LMBR1: variants seen among roughly 807,000 people sequenced by gnomAD.
LMBR1 encodes the protein limb development membrane protein 1.
In LMBR1, 52 loss-of-function variants were observed where a neutral mutation model predicts 73.9. That is an observed-to-expected ratio of 0.70 (90% CI 0.56 to 0.89). The LOEUF (loss-of-function observed/expected upper bound fraction) is 0.89, where lower values mean the gene tolerates loss of function less well. Ranked by LOEUF, LMBR1 falls within the 40% of genes least tolerant of loss-of-function variation. LMBR1 has a pLI of 0.00. For missense variants in LMBR1, 539 were observed against 579.8 expected (o/e 0.93, Z 0.72); for synonymous variants, 215 against 209.4 (o/e 1.03, Z -0.23).
intron 16 of LMBR1, among the ~76,000 whole-genome samples, chr7:156,684,905 T>C (rs1358470029): frequency 6.6e-6 from 1 of 152,158 alleles, no homozygotes; most frequent in Non-Finnish European, 1.5e-5. Flanking sequence ...TGCAGTGAGA[T>C]GTGATCACAC....
chr7:156,851,159 T>C (rs1426144629), intron 1 of LMBR1, among the ~76,000 whole-genome samples: 1 of 152,192 alleles, frequency 6.6e-6, no homozygotes, highest in Non-Finnish European at 1.5e-5. Context: ...CTTTTCCTTA[T>C]AAATTACTCA....
At chr7:156,674,071 C>T (rs893065285), downstream of LMBR1, among the ~76,000 whole-genome samples, 1 of 152,200 alleles carries the variant, frequency 6.6e-6, no homozygotes, top group African/African-American at 2.4e-5. Context: ...GTGCTTCAAG[C>T]CGGATTCCAT....
intron 15 of LMBR1, among the ~76,000 whole-genome samples, chr7:156,717,201 G>C (rs1159691220): frequency 6.6e-6 from 1 of 152,162 alleles, no homozygotes; most frequent in Non-Finnish European, 1.5e-5. Flanking sequence ...CTGCCATGAG[G>C]TACTGGCACA....
intron 1 of LMBR1, among the ~76,000 whole-genome samples, chr7:156,864,036 CCTAG>C (rs1798095571): frequency 6.6e-6 from 1 of 152,086 alleles, no homozygotes; most frequent in African/African-American, 2.4e-5. Context: ...CACCTGCAAT[CCTAG>C]CTACTCGGGA....
intron 1 of LMBR1, among the ~76,000 whole-genome samples, chr7:156,869,671 T>G (rs1798982418): frequency 6.6e-6 from 1 of 152,152 alleles, no homozygotes; most frequent in South Asian, 2.1e-4. Context: ...CAATAATCAC[T>G]TTAAATGTAA....
chr7:156,784,941 C>T (rs1406081743), intron 5 of LMBR1, among the ~76,000 whole-genome samples: 1 of 152,222 alleles, frequency 6.6e-6, no homozygotes, highest in Non-Finnish European at 1.5e-5. Flanking sequence ...CACTAACAGA[C>T]ATCTGCATCT....
At chr7:156,797,248 C>T (rs1237823826) in intron 4 of LMBR1, among the ~76,000 whole-genome samples, 1 of 152,130 alleles carries the variant, frequency 6.6e-6, no homozygotes, top group East Asian at 1.9e-4. Context: ...ACAGATTTAG[C>T]AAAAGACAGA....
At position 156,670,166 on chromosome 7, in the gene LMBR1, G is replaced by A. The variant is rs1420102978; in HGVS notation, n.867-879C>T. ...ATATTAGAGCATTTAAGTCATACGT[G>A]GAATCACCAAAAGCACACAATTCGT... On this transcript the variant is annotated intron_variant and non_coding_transcript_variant, in intron 4 of 4. Coordinates refer to the LMBR1 transcript ENST00000430825. This position sits in a 1 kb window ranked among gnomAD's most constrained non-coding sequence, Gnocchi z 4.3. Among the ~76,000 whole-genome samples, 1 of 152,196 alleles carries A rather than the reference G, an allele frequency of 6.6e-6. No homozygotes were observed. Among genetic ancestry groups the A allele is most frequent in the East Asian group, 1.9e-4 (1 of 5,204 alleles).
chr7:156,793,095 T>G (rs1004153672), intron 5 of LMBR1, among the ~76,000 whole-genome samples: 1 of 152,212 alleles, frequency 6.6e-6, no homozygotes, highest in African/African-American at 2.4e-5. Flanking sequence ...CATAAATATA[T>G]GTACTTATTC....
chr7:156,829,718 G>T (rs550795324), intron 3 of LMBR1, among the ~76,000 whole-genome samples: 1 of 152,082 alleles, frequency 6.6e-6, no homozygotes, highest in African/African-American at 2.4e-5. Context: ...TGACTCTCCC[G>T]TTTCAGAATG....
chr7:156,854,494 C>T (rs917974400), intron 1 of LMBR1, among the ~76,000 whole-genome samples: 3 of 152,074 alleles, frequency 2.0e-5, no homozygotes, highest in Non-Finnish European at 2.9e-5. Context: ...AAAAGGAAAA[C>T]GTAAACATTC....
At chr7:156,832,405 T>C (rs542453929) in intron 3 of LMBR1, among the ~76,000 whole-genome samples, 2 of 151,922 alleles carry the variant, frequency 1.3e-5, no homozygotes, top group South Asian at 4.1e-4. Flanking sequence ...CAATCACCTC[T>C]TTCTTTCATG....
intron 1 of LMBR1, among the ~76,000 whole-genome samples, chr7:156,883,233 T>C (rs1378147918): frequency 6.6e-6 from 1 of 151,814 alleles, no homozygotes; most frequent in African/African-American, 2.4e-5. Flanking sequence ...AACCTGTCTC[T>C]ACTGAAAATA....
chr7:156,868,578 G>A (rs1798808203), intron 1 of LMBR1, among the ~76,000 whole-genome samples: 1 of 151,934 alleles, frequency 6.6e-6, no homozygotes. Flanking sequence ...CAGGAGAATT[G>A]CTTGAACCTT....
chr7:156,890,998 C>T (rs910873238), intron 1 of LMBR1, among the ~76,000 whole-genome samples: 5 of 151,772 alleles, frequency 3.3e-5, no homozygotes, highest in Non-Finnish European at 7.4e-5. Context: ...CAAGGCCAGC[C>T]TGGCCAGCAT....
At chr7:156,776,140 G>A (rs931090573) in intron 5 of LMBR1, among the ~76,000 whole-genome samples, 2 of 149,144 alleles carry the variant, frequency 1.3e-5, no homozygotes, top group African/African-American at 4.9e-5. Flanking sequence ...TATATGCTTA[G>A]GACAATATCT....
At chr7:156,778,038 T>C (rs2133148207) in intron 5 of LMBR1, among the ~76,000 whole-genome samples, 1 of 152,312 alleles carries the variant, frequency 6.6e-6, no homozygotes, top group African/African-American at 2.4e-5. Flanking sequence ...AGACGATGAT[T>C]TTTCTATTAT....
intron 4 of LMBR1, among the ~76,000 whole-genome samples, chr7:156,816,985 AT>A (rs2133696307): frequency 6.6e-6 from 1 of 152,310 alleles, no homozygotes; most frequent in Admixed American, 6.5e-5. Flanking sequence ...ATATTTCCAT[AT>A]AGTAGTCAAA....
chr7:156,781,949 A>G lies in LMBR1; in HGVS notation c.423+14440T>C, dbSNP rs535036858. Among the ~76,000 whole-genome samples the G allele has an allele frequency of 7.9e-5, 12 of 152,334 alleles. No homozygotes were observed. In the East Asian group the frequency reaches 2.1e-3, roughly 27 times the overall value. ...CATCTCCAGAATGCTTTTCATATTC[A>G]CCAACTGAAACTCTGTACCCATTAA... On this transcript the variant is annotated intron_variant, in intron 5 of 16. Transcript: ENST00000353442.
Sources: gnomAD v4.1 joint callset for allele counts (sites outside exome capture counted in the v4.1 genomes callset) on GRCh38, gnomAD v4.1.1 for gene constraint, Gnocchi (gnomAD v3.1) non-coding constraint, MANE v1.5 for transcripts, NCBI Gene and HGNC (gene_info 2026-07-23, HGNC 2026-07-21) for gene names.